MDFIC: variants seen among roughly 807,000 people sequenced by gnomAD.
The protein encoded by MDFIC is MyoD family inhibitor domain containing.
MDFIC carries 17 observed loss-of-function variants against 23.2 expected under a neutral mutation model. That is an observed-to-expected ratio of 0.73 (90% confidence interval 0.50 to 1.10). The LOEUF is 1.10. MDFIC is among the 50% of genes least tolerant of loss of function. MDFIC has a pLI of 0.00. For synonymous variants in MDFIC, 120 were observed against 115.2 expected, an observed-to-expected ratio of 1.04 and a Z score of -0.27; for missense variants, 356 against 316.6, an observed-to-expected ratio of 1.12 and a Z score of -0.95.
At chr7:115,003,723 C>T (rs1037397224) in intron 4 of MDFIC, among the ~76,000 whole-genome samples, 17 of 152,182 alleles carry the variant, frequency 1.1e-4, no homozygotes, top group Non-Finnish European at 1.9e-4. Flanking sequence ...CTTTGCATAA[C>T]TTCCCCACTG....
chr7:114,980,913 T>TA (rs1232808737), intron 4 of MDFIC, among the ~76,000 whole-genome samples: 1 of 152,224 alleles, frequency 6.6e-6, no homozygotes, highest in African/African-American at 2.4e-5. Flanking sequence ...TCAACTGAGA[T>TA]AAAGTGTTAG....
chr7:115,007,052 C>G (rs1791583773), intron 4 of MDFIC, among the ~76,000 whole-genome samples: 3 of 152,202 alleles, frequency 2.0e-5, no homozygotes, highest in Admixed American at 2.0e-4. Context: ...TCTGGGCAGA[C>G]TTATGCTTCA....
intron 3 of MDFIC, among the ~76,000 whole-genome samples, chr7:114,948,776 C>T (rs1792702449): frequency 1.3e-5 from 2 of 152,100 alleles, no homozygotes; most frequent in Admixed American, 1.3e-4. Context: ...TAAATTCCTT[C>T]TCATATTTAC....
At chr7:114,943,846 G>A (rs1191482440) in intron 3 of MDFIC, among the ~76,000 whole-genome samples, 1 of 151,970 alleles carries the variant, frequency 6.6e-6, no homozygotes, top group African/African-American at 2.4e-5. Flanking sequence ...TTTTAAGTGT[G>A]TGCTTCATTT....
At chr7:114,955,679 T>A (rs1792870158) in intron 3 of MDFIC, among the ~76,000 whole-genome samples, 1 of 152,238 alleles carries the variant, frequency 6.6e-6, no homozygotes. Flanking sequence ...TTAGCGTCTC[T>A]GTAGGAGACT....
Position 114,979,799 on chromosome 7 carries a change from G to T in MDFIC, c.493+18G>T. The T allele has an allele frequency of 6.2e-7, 1 of 1,608,396 alleles. No homozygotes were observed. Among genetic ancestry groups the T allele is most frequent in the Non-Finnish European group, 8.5e-7 (1 of 1,175,852 alleles). ...ACCTGAAGGTAAGTTTGAGATATAT[G>T]TAGATTTTATTTGACCAGATGTAAA... is the stretch of plus-strand genomic sequence containing the variant. On this transcript the variant is annotated intron_variant, in intron 4 of 4. Transcript: ENST00000393486.
Position 114,922,554 on chromosome 7 carries a change from C to A in MDFIC, c.-190C>A. On this transcript the variant is annotated 5_prime_UTR_variant, in exon 1 of 5. Coordinates refer to ENST00000393486, the MANE Select transcript of MDFIC (RefSeq NM_001166345.3). ...CACCGGGGCGAAAATGCGGCCGCTGCCGGAGGCTCGCTAACTTTCCGGGGC... is the reference window on the plus strand; with the variant it reads ...CACCGGGGCGAAAATGCGGCCGCTGACGGAGGCTCGCTAACTTTCCGGGGC... The A allele has an allele frequency of 7.9e-7, 1 of 1,268,092 alleles. No homozygotes were observed. 78.6% of individuals were successfully genotyped at this position (1,268,092 alleles called of 1,614,324 possible).
intron 2 of MDFIC, among the ~76,000 whole-genome samples, chr7:114,936,915 A>T (rs989901216): frequency 6.6e-6 from 1 of 152,090 alleles, no homozygotes; most frequent in Non-Finnish European, 1.5e-5. Flanking sequence ...GAAAATTTTT[A>T]TTTTTTAAAA....
At chr7:114,972,291 A>G (rs1232161291) in intron 3 of MDFIC, among the ~76,000 whole-genome samples, 1 of 152,174 alleles carries the variant, frequency 6.6e-6, no homozygotes, top group Non-Finnish European at 1.5e-5. Context: ...AGCTGTTAGC[A>G]GTTACACATA....
chr7:115,007,621 C>CGTGTGT (rs1415340567), intron 4 of MDFIC, among the ~76,000 whole-genome samples: 4 of 74,744 alleles, frequency 5.4e-5, no homozygotes, highest in African/African-American at 1.9e-4. Context: ...ATCTAGTGTG[C>CGTGTGT]GTGTGTGTGT....
intron 2 of MDFIC, among the ~76,000 whole-genome samples, chr7:114,929,209 C>T (rs1309288673): frequency 3.9e-5 from 6 of 152,070 alleles, no homozygotes; most frequent in African/African-American, 1.4e-4. Context: ...CGGGTTCAAG[C>T]GATTCTTCTG....
At chr7:114,964,153 ATG>A (rs1182595988) in intron 3 of MDFIC, among the ~76,000 whole-genome samples, 2 of 152,144 alleles carry the variant, frequency 1.3e-5, no homozygotes, top group African/African-American at 4.8e-5. Context: ...GATGAAATTA[ATG>A]TGAGGTCTAT....
intron 4 of MDFIC, among the ~76,000 whole-genome samples, chr7:115,011,646 G>T (rs1791684572): frequency 1.3e-5 from 2 of 152,208 alleles, no homozygotes; most frequent in Admixed American, 1.3e-4. Flanking sequence ...TACTAAAGTA[G>T]GAGTTATGAG....
chr7:115,008,352 A>C (rs1791613749), intron 4 of MDFIC, among the ~76,000 whole-genome samples: 1 of 151,642 alleles, frequency 6.6e-6, no homozygotes, highest in Non-Finnish European at 1.5e-5. Context: ...AGATAATAGT[A>C]AAGATTATTG....
chr7:115,014,568 T>C (rs1333383202), intron 4 of MDFIC: 2 of 1,225,510 alleles, frequency 1.6e-6, no homozygotes, highest in African/African-American at 3.2e-5. Context: ...TTATCGCTAT[T>C]GTAGGTTGTG....
rs1793098507 is a variant in MDFIC at position 114,966,461 on chromosome 7, G to C, written c.218-13045G>C. Among the ~76,000 whole-genome samples, 5 of 150,190 alleles carry C rather than the reference G, an allele frequency of 3.3e-5. No homozygotes were observed. The South Asian group carries it at 6.3e-4, about 19-fold the overall frequency. ...CAAACTGGGAGATGTCATTTTATATGGTTATTTTTTCTATCTTCAAGACAA... is the reference window on the plus strand; with the variant it reads ...CAAACTGGGAGATGTCATTTTATATCGTTATTTTTTCTATCTTCAAGACAA... On this transcript the variant is annotated intron_variant, in intron 3 of 4. Transcript: ENST00000393486.
At chr7:114,953,684 A>C (rs1403847958) in intron 3 of MDFIC, among the ~76,000 whole-genome samples, 1 of 152,198 alleles carries the variant, frequency 6.6e-6, no homozygotes. Context: ...TTCGGTATCC[A>C]TGAAGGTTTG....
In MDFIC at chr7:115,018,572, A is replaced by G. The variant is rs569417219; in HGVS notation, c.*2637A>G. ...AGGCAAATGTGAAAATAGTTTCAATATATCTTATGATTTCTTAATGTAAAA... is the reference window on the plus strand; with the variant it reads ...AGGCAAATGTGAAAATAGTTTCAATGTATCTTATGATTTCTTAATGTAAAA... On this transcript the variant is annotated 3_prime_UTR_variant, in exon 5 of 5. Transcript: ENST00000393486. 1.3e-5 allele frequency: 2 copies of G among 152,560 alleles called. No individual in the cohort carries two copies. Among genetic ancestry groups the G allele is most frequent in the Non-Finnish European group, 2.9e-5 (2 of 67,864 alleles). The allele number at this position is 152,560 out of a possible 1,614,324, so 9.5% of individuals were successfully genotyped here.
rs560707914 is a variant in MDFIC at position 114,942,653 on chromosome 7, G to T, written c.217+256G>T. On this transcript the variant is annotated intron_variant, in intron 3 of 4. Transcript: ENST00000393486. ...CTCAGAGAGATTCAGTCAAAATTCA[G>T]TTCCTTTTTGAGTAACAACTAAGTG... Among the ~76,000 whole-genome samples, 3 of 152,270 alleles carry T rather than the reference G, an allele frequency of 2.0e-5. No individual in the cohort carries two copies. In the South Asian group the frequency reaches 6.2e-4, roughly 32 times the overall value.
Sources: gnomAD v4.1 joint callset for allele counts (sites outside exome capture counted in the v4.1 genomes callset) on GRCh38, gnomAD v4.1.1 for gene constraint, MANE v1.5 for transcripts, NCBI Gene and HGNC (gene_info 2026-07-23, HGNC 2026-07-21) for gene names.